The following FAM81A variants were observed in gnomAD, a reference collection of about 807,000 sequenced individuals.
The protein encoded by FAM81A is protein FAM81A.
FAM81A carries 19 observed loss-of-function variants against 46.7 expected under a neutral mutation model. The ratio of observed to expected loss-of-function variants is 0.41; its 90% confidence interval spans 0.28 to 0.60. FAM81A has a LOEUF of 0.60. Among genes scored for constraint, FAM81A ranks in the 20% least tolerant of loss-of-function variants. The pLI, the probability that FAM81A is intolerant of heterozygous loss-of-function variation, is 0.34. For missense variants in FAM81A, 377 were observed against 453.5 expected, an observed-to-expected ratio of 0.83 and a Z score of 1.53; for synonymous variants, 183 against 152.9, an observed-to-expected ratio of 1.20 and a Z score of -1.45.
chr15:59,498,373 T>C (rs1302319055), intron 4 of FAM81A, among the ~76,000 whole-genome samples: 2 of 152,240 alleles, frequency 1.3e-5, no homozygotes, highest in Non-Finnish European at 2.9e-5. Context: ...ATATTGGTCT[T>C]GTGTCCTGCA....
chr15:59,406,026 C>A (rs1212572228), intron 2 of FAM81A, among the ~76,000 whole-genome samples: 1 of 152,130 alleles, frequency 6.6e-6, no homozygotes, highest in African/African-American at 2.4e-5. Context: ...GCAACTCGAC[C>A]CAGAAAGAGG....
intron 4 of FAM81A, among the ~76,000 whole-genome samples, chr15:59,499,285 T>C (rs1443771980): frequency 1.3e-5 from 2 of 152,228 alleles, no homozygotes; most frequent in Non-Finnish European, 2.9e-5. Context: ...TCTGTTGTCA[T>C]TTCCTTACCC....
At chr15:59,445,093 G>A (rs2081339961) in intron 1 of FAM81A, 1 of 152,200 alleles carries the variant, frequency 6.6e-6, no homozygotes, top group African/African-American at 2.4e-5. Flanking sequence ...AGATTTCAGT[G>A]TGGTGAAAAC....
In FAM81A at chr15:59,460,002, G is replaced by A; in HGVS notation, c.90G>A (p.Val30=). 1.2e-6 allele frequency: 2 copies of A among 1,613,516 alleles called. No individual in the cohort carries two copies. The highest frequency in any genetic ancestry group is 1.7e-6 in the Non-Finnish European group (2 of 1,179,722). Reference sequence around the variant, plus strand: ...CACCATACTCATCTGTAAGCCTCGTGGAGCAGCTGGAAGACAGGATCCTCT... The same window carrying A: ...CACCATACTCATCTGTAAGCCTCGTAGAGCAGCTGGAAGACAGGATCCTCT... The part of the protein sequence containing the change: ...TMAPYSSVSL[V]EQLEDRILCH... The change falls in exon 3 of 9, where the codon GTG becomes GTA. Residue 30 remains valine, a synonymous_variant. Transcript: ENST00000288228. This position sits in a 1 kb window ranked among gnomAD's most constrained non-coding sequence, Gnocchi z 4.4.
chr15:59,433,577 A>G (rs1276157223), upstream of FAM81A, among the ~76,000 whole-genome samples: 1 of 152,252 alleles, frequency 6.6e-6, no homozygotes, highest in South Asian at 2.1e-4. Flanking sequence ...AAGAAAAATT[A>G]CTAGCAAAAA....
intron 6 of FAM81A, 116 bp from the exon 7 acceptor site, chr15:59,514,173 G>A (rs2082242877): frequency 9.4e-7 from 1 of 1,063,726 alleles, no homozygotes; most frequent in East Asian, 2.7e-5. Context: ...AACCACCATG[G>A]CACATGTTTA....
At chr15:59,463,484 A>C (rs1596491708) in intron 3 of FAM81A, among the ~76,000 whole-genome samples, 1 of 152,214 alleles carries the variant, frequency 6.6e-6, no homozygotes, top group East Asian at 1.9e-4. Flanking sequence ...TTTCGTTTAA[A>C]TTTTAGGATT....
chr15:59,477,398 T>A (rs1228361951), intron 3 of FAM81A, among the ~76,000 whole-genome samples: 1 of 152,112 alleles, frequency 6.6e-6, no homozygotes, highest in Non-Finnish European at 1.5e-5. Flanking sequence ...TGCAGGTGAT[T>A]TTATATTACA....
intron 7 of FAM81A, among the ~76,000 whole-genome samples, chr15:59,515,524 T>TA (rs1269215080): frequency 6.6e-6 from 1 of 152,284 alleles, no homozygotes; most frequent in South Asian, 2.1e-4. Flanking sequence ...ATAACCCACT[T>TA]ACAGCTTGGA....
chr15:59,409,175 C>T (rs985115897), intron 2 of FAM81A, among the ~76,000 whole-genome samples: 19 of 152,182 alleles, frequency 1.2e-4, no homozygotes, highest in African/African-American at 4.3e-4. Context: ...ACTTATTCCA[C>T]TTACAGACAT....
chr15:59,481,117 C>A (rs2081844594), intron 3 of FAM81A, among the ~76,000 whole-genome samples: 1 of 152,030 alleles, frequency 6.6e-6, no homozygotes, highest in African/African-American at 2.4e-5. Context: ...GCCTCAGCCT[C>A]CCGAATAGCT....
chr15:59,418,266 C>G (rs1348704689), intron 2 of FAM81A, among the ~76,000 whole-genome samples: 1 of 152,110 alleles, frequency 6.6e-6, no homozygotes, highest in African/African-American at 2.4e-5. Flanking sequence ...GAGAAATGAG[C>G]TATGGGGGCA....
chr15:59,424,135 G>A (rs1038658109), intron 2 of FAM81A, among the ~76,000 whole-genome samples: 2 of 152,144 alleles, frequency 1.3e-5, no homozygotes. Context: ...TTGTTGCCAC[G>A]TTCATCACTC....
chr15:59,496,376 G>A (rs2082033829), intron 4 of FAM81A, among the ~76,000 whole-genome samples: 1 of 152,194 alleles, frequency 6.6e-6, no homozygotes, highest in Non-Finnish European at 1.5e-5. Context: ...GGAGGCCGAG[G>A]CGGGCAGATC....
At chr15:59,496,754 G>A (rs544892654) in intron 4 of FAM81A, among the ~76,000 whole-genome samples, 10 of 152,268 alleles carry the variant, frequency 6.6e-5, no homozygotes, top group African/African-American at 1.9e-4. Flanking sequence ...TTGAAATTGA[G>A]AAGTGTGAGT....
chr15:59,516,604 T>C (rs370627417), intron 7 of FAM81A, 41 bp from the exon 8 acceptor site: 1 of 1,577,868 alleles, frequency 6.3e-7, no homozygotes, highest in East Asian at 2.2e-5. Context: ...TGCAGATTTC[T>C]TTTTGGAGTG....
Position 59,441,920 on chromosome 15 carries a change from C to T in FAM81A, c.-78+3638C>T, listed in dbSNP as rs1293209623. ...GTATTTAAAGAGCACTGGGCACTTT[C>T]CCCGCGCCTCACTGGGCGCCCTCGC... On this transcript the variant is annotated intron_variant, in intron 1 of 8. Transcript: ENST00000288228. 3.3e-5 allele frequency among the ~76,000 whole-genome samples: 5 copies of T among 152,248 alleles called. No individual in the cohort carries two copies. The East Asian group carries it at 9.6e-4, about 29-fold the overall frequency.
chr15:59,494,438 A>G (rs531794243), intron 4 of FAM81A, among the ~76,000 whole-genome samples: 8 of 152,348 alleles, frequency 5.3e-5, no homozygotes, highest in African/African-American at 1.9e-4. Flanking sequence ...TCTCAGGGGC[A>G]AGAGCAGTGG....
intron 8 of FAM81A, among the ~76,000 whole-genome samples, chr15:59,518,021 G>T (rs2082285026): frequency 6.6e-6 from 1 of 150,574 alleles, no homozygotes; most frequent in Non-Finnish European, 1.5e-5. Flanking sequence ...TTGCCAGCCT[G>T]GAGTGCAGTG....
Sources: gnomAD v4.1 joint callset for allele counts (sites outside exome capture counted in the v4.1 genomes callset) on GRCh38, gnomAD v4.1.1 for gene constraint, Gnocchi (gnomAD v3.1) non-coding constraint, MANE v1.5 for transcripts, NCBI Gene and HGNC (gene_info 2026-07-23, HGNC 2026-07-21) for gene names.